OLFM1: variants seen among roughly 807,000 people sequenced by gnomAD.
The protein encoded by OLFM1 is noelin.
Under a neutral mutation model 49.7 loss-of-function variants are expected in OLFM1, and 9 were observed. That is an observed-to-expected ratio of 0.18 (90% CI 0.11 to 0.32). The LOEUF (loss-of-function observed/expected upper bound fraction) is 0.32, where lower values mean the gene tolerates loss of function less well. OLFM1 is among the 10% of genes least tolerant of loss of function. The pLI is 1.00. For synonymous variants in OLFM1, 240 were observed against 271.8 expected (o/e 0.88, Z 1.15); for missense variants, 369 against 661.8 (o/e 0.56, Z 4.85).
intron 1 of OLFM1, chr9:135,076,898 C>T: frequency 1.3e-6 from 2 of 1,550,626 alleles, no homozygotes; most frequent in Non-Finnish European, 8.7e-7. Context: ...ACGAGCTTCC[C>T]TTGTTTTGCC....
rs1358215748 is a variant in OLFM1 at position 135,113,742 on chromosome 9, T to A, written c.784-5762T>A. On this transcript the variant is annotated intron_variant, in intron 5 of 5. Coordinates refer to ENST00000371793, the MANE Select transcript of OLFM1 (RefSeq NM_001282611.2). This position sits in a 1 kb window ranked among gnomAD's most constrained non-coding sequence, Gnocchi z 4.0. ...CACAGTGAGGCGGCAAGGCCTCCCC[T>A]CCGGGCTCACGGTCAGGTGGGAGAC... is the stretch of plus-strand genomic sequence containing the variant. 6.6e-6 allele frequency among the ~76,000 whole-genome samples: 1 copy of A among 152,182 alleles called. No homozygotes were observed. The highest frequency in any genetic ancestry group is 1.5e-5 in the Non-Finnish European group (1 of 68,024).
At chr9:135,087,138 T>A, upstream of OLFM1, 4 of 1,158,136 alleles carry the variant, frequency 3.5e-6, no homozygotes, top group Non-Finnish European at 4.6e-6. Context: ...GGGGCGCCTT[T>A]AGCTCTCCAC....
At chr9:135,114,513 C>G (rs1831069915) in intron 5 of OLFM1, among the ~76,000 whole-genome samples, 1 of 151,976 alleles carries the variant, frequency 6.6e-6, no homozygotes, top group Admixed American at 6.5e-5. Context: ...ACTATTCAGT[C>G]TACTATAAGA....
In OLFM1 at chr9:135,087,779, A is replaced by G. The variant is rs2769627; in HGVS notation, c.-211A>G. ...GCGCAGGGCGCGGCGGGCAGAGGCCACCTGGCCACCTTCCCTGGCGCCCGG... is the reference window on the plus strand; with the variant it reads ...GCGCAGGGCGCGGCGGGCAGAGGCCGCCTGGCCACCTTCCCTGGCGCCCGG... On this transcript the variant is annotated 5_prime_UTR_variant, in exon 1 of 6. Transcript: ENST00000371793. 0.42 allele frequency: 239,674 copies of G among 569,726 alleles called. 52,822 individuals carry two copies. The highest frequency in any genetic ancestry group is 0.71 in the African/African-American group (34,600 of 48,778). The allele number at this position is 569,726 out of a possible 1,614,324, so 35.3% of individuals were successfully genotyped here. A position where few individuals can be genotyped will look rare whatever the true frequency, so the allele number is the denominator to read the frequency against.
rs192381736 is a variant in OLFM1 at position 135,111,803 on chromosome 9, G to A, written c.783+4948G>A. ...CAGCTCACTGCAACCTCCGCCTCCC[G>A]AATTGAAGCAATTCCCAGGCCTCAG... On this transcript the variant is annotated intron_variant, in intron 5 of 5. Coordinates refer to ENST00000371793, the MANE Select transcript of OLFM1 (RefSeq NM_001282611.2). Among the ~76,000 whole-genome samples, 649 of 152,272 alleles carry A rather than the reference G, an allele frequency of 4.3e-3. 2 individuals are homozygous for A. The highest frequency in any genetic ancestry group is 0.024 in the Middle Eastern group (7 of 294).
intron 1 of OLFM1, among the ~76,000 whole-genome samples, 188 bp from the exon 2 acceptor site, chr9:135,090,007 G>A (rs1830658017): frequency 6.6e-6 from 1 of 152,224 alleles, no homozygotes; most frequent in South Asian, 2.1e-4. Context: ...CCTAACAGGA[G>A]ACCTGTGCCT....
chr9:135,095,751 T>C, intron 2 of OLFM1, 113 bp from the exon 3 acceptor site: 1 of 1,139,872 alleles, frequency 8.8e-7, no homozygotes, highest in Admixed American at 1.9e-5. Context: ...GGGCCACTTC[T>C]GGTTCCCAGT....
Position 135,119,570 on chromosome 9 carries a change from A to G in OLFM1, c.850A>G (p.Met284Val), listed in dbSNP as rs761509508. 9.9e-6 allele frequency: 16 copies of G among 1,613,980 alleles called. No homozygotes were observed. The highest frequency in any genetic ancestry group is 1.4e-5 in the Non-Finnish European group (16 of 1,180,022). The change falls in exon 6 of 6, where the codon ATG (methionine) becomes GTG (valine). Residue 284 changes from methionine to valine, a missense_variant. Met to Val is a conservative substitution (Grantham distance 21). Transcript: ENST00000371793. ...VREYKSMVDF[M>V]NTDNFTSHRL... is the part of the protein sequence containing the mutation. Reference sequence around the variant, plus strand: ...TGAGTACAAGTCCATGGTTGACTTCATGAACACGGACAATTTCACCTCCCA... The same window carrying G: ...TGAGTACAAGTCCATGGTTGACTTCGTGAACACGGACAATTTCACCTCCCA...
intron 2 of OLFM1, among the ~76,000 whole-genome samples, chr9:135,094,553 G>GA (rs1830760618): frequency 6.6e-6 from 1 of 152,190 alleles, no homozygotes; most frequent in South Asian, 2.1e-4. Flanking sequence ...TCGGGGAAGA[G>GA]AAGGGGTGAG....
intron 4 of OLFM1, among the ~76,000 whole-genome samples, chr9:135,100,133 C>G (rs1376350140): frequency 6.6e-6 from 1 of 152,144 alleles, no homozygotes; most frequent in Non-Finnish European, 1.5e-5. Flanking sequence ...CAGTGTCTTC[C>G]CTCCCTGGAA....
rs571208929 is a variant in OLFM1 at position 135,121,022 on chromosome 9, C to G, written c.*844C>G. 1.6e-3 allele frequency: 239 copies of G among 152,452 alleles called. 2 individuals carry two copies. Among genetic ancestry groups the G allele is most frequent in the Non-Finnish European group, 9.9e-4 (67 of 68,006 alleles). The allele number at this position is 152,452 out of a possible 1,614,324, so 9.4% of individuals were successfully genotyped here. On this transcript the variant is annotated 3_prime_UTR_variant, in exon 6 of 6. Coordinates refer to ENST00000371793, the MANE Select transcript of OLFM1 (RefSeq NM_001282611.2). ...TGTTAAATTAGCTAAATCATGTAAC[C>G]GCAGATAGGAAGGGCTCGCCTGGGG...
intron 1 of OLFM1, among the ~76,000 whole-genome samples, chr9:135,079,462 G>A (rs916148609): frequency 5.3e-5 from 8 of 152,116 alleles, no homozygotes; most frequent in Non-Finnish European, 1.0e-4. Context: ...AAAATGAGCA[G>A]GGCGTGGTGG....
intron 3 of OLFM1, among the ~76,000 whole-genome samples, chr9:135,096,896 G>A (rs917239095): frequency 1.2e-4 from 18 of 152,188 alleles, no homozygotes; most frequent in African/African-American, 3.1e-4. Context: ...ATTAAAACTG[G>A]TGTTTGTTTG....
upstream of OLFM1, chr9:135,086,720 C>A (rs1014618556): frequency 4.4e-6 from 2 of 455,746 alleles, no homozygotes; most frequent in Non-Finnish European, 8.8e-6. Flanking sequence ...GGGACTGACA[C>A]GCGTGAGTCC....
chr9:135,105,576 A>G, intron 4 of OLFM1: 1 of 152,396 alleles, frequency 6.6e-6, no homozygotes, highest in South Asian at 2.1e-4. Context: ...GCCAGCCTGG[A>G]GCCTGCCCCA....
At chr9:135,119,378 C>CTGGGTCTTTGGAGTGCTCAG (rs1334391053) in intron 5 of OLFM1, 126 bp from the exon 6 acceptor site, 17 of 776,118 alleles carry the variant, frequency 2.2e-5, no homozygotes, top group Admixed American at 7.7e-5. Flanking sequence ...GGAGTGCTCA[C>CTGGGTCTTTGGAGTGCTCAG]TGGGTCTTTG....
rs537351080 is a variant in OLFM1, at chr9:135,102,217, G to A, written c.676+3712G>A. ...GCACCATGCCCTACACTCTGTCCTG[G>A]GGGAGACAAACCTGAAGCCTCCCTC... On this transcript the variant is annotated intron_variant, in intron 4 of 5. Coordinates refer to ENST00000371793, the MANE Select transcript of OLFM1 (RefSeq NM_001282611.2). Among the ~76,000 whole-genome samples the A allele has an allele frequency of 2.4e-4, 36 of 152,298 alleles. No homozygotes were observed. The East Asian group carries it at 6.8e-3, about 29-fold the overall frequency.
chr9:135,080,836 C>T lies in OLFM1; in HGVS notation c.96+5034C>T, dbSNP rs779653740. Among the ~76,000 whole-genome samples the T allele has an allele frequency of 2.8e-4, 43 of 152,230 alleles. No individual in the cohort carries two copies. The highest frequency in any genetic ancestry group is 7.7e-4 in the African/African-American group (32 of 41,544). Reference sequence around the variant, plus strand: ...AAAGATTCGTCCTGGACACCCTGCACGCTCGGAAACCTCAGCGCTGTCCCG... The same window carrying T: ...AAAGATTCGTCCTGGACACCCTGCATGCTCGGAAACCTCAGCGCTGTCCCG... On this transcript the variant is annotated intron_variant, in intron 1 of 5. Transcript: ENST00000252854. This position sits in a 1 kb window ranked among gnomAD's most constrained non-coding sequence, Gnocchi z 4.5.
At chr9:135,112,970 C>T (rs541626397) in intron 5 of OLFM1, among the ~76,000 whole-genome samples, 44 of 152,080 alleles carry the variant, frequency 2.9e-4, no homozygotes, top group Middle Eastern at 6.8e-3. Context: ...CACTTTGTGG[C>T]GTGGGGGAGG....
Sources: allele counts gnomAD v4.1 joint callset (sites outside exome capture counted in the v4.1 genomes callset), GRCh38; gene constraint gnomAD v4.1.1; non-coding constraint Gnocchi (gnomAD v3.1); transcripts MANE v1.5; gene names NCBI Gene and HGNC (gene_info 2026-07-23, HGNC 2026-07-21).